SLC2A13: variants seen among roughly 807,000 people sequenced by gnomAD.
SLC2A13 encodes the protein proton myo-inositol cotransporter.
Under a neutral mutation model 64.4 loss-of-function variants are expected in SLC2A13, and 32 were observed. The observed-to-expected ratio is 0.50, with a 90% CI of 0.37 to 0.67. The LOEUF is 0.67. SLC2A13 is among the 30% of genes least tolerant of loss of function. The pLI, the probability that SLC2A13 is intolerant of heterozygous loss-of-function variation, is 0.00. For missense variants in SLC2A13, 743 were observed against 829.2 expected (o/e 0.90, Z 1.28); for synonymous variants, 338 against 327.1 (o/e 1.03, Z -0.36).
intron 1 of SLC2A13, among the ~76,000 whole-genome samples, chr12:40,077,769 T>C (rs2136278938): frequency 6.6e-6 from 1 of 152,250 alleles, no homozygotes; most frequent in Non-Finnish European, 1.5e-5. Flanking sequence ...AATATTAACT[T>C]TTCCTATCCA....
intron 4 of SLC2A13, among the ~76,000 whole-genome samples, chr12:39,880,087 T>G (rs1020374817): frequency 6.6e-6 from 1 of 152,206 alleles, no homozygotes; most frequent in African/African-American, 2.4e-5. Flanking sequence ...CCATGTGACG[T>G]GACTGCTCCC....
At chr12:40,091,521 A>C (rs568800031) in intron 1 of SLC2A13, among the ~76,000 whole-genome samples, 1 of 152,340 alleles carries the variant, frequency 6.6e-6, no homozygotes, top group Non-Finnish European at 1.5e-5. Context: ...AACTACTGGC[A>C]ACAAAGAATA....
At chr12:40,102,022 C>T (rs1939167923) in intron 1 of SLC2A13, among the ~76,000 whole-genome samples, 1 of 152,188 alleles carries the variant, frequency 6.6e-6, no homozygotes. Flanking sequence ...ATCTGCTGAA[C>T]ACCTACTCAC....
In SLC2A13 at chr12:39,979,951, C is replaced by T. The variant is rs1173166769; in HGVS notation, c.926-28586G>A. ...AGGTCGGGTTACCCTCAAAGGGAAG[C>T]CCATCAGACTAACAGCGGATCTCTC... On this transcript the variant is annotated intron_variant, in intron 3 of 9. Coordinates refer to ENST00000280871, the MANE Select transcript of SLC2A13 (RefSeq NM_052885.4). Among the ~76,000 whole-genome samples, 1,406 of 144,012 alleles carry T rather than the reference C, an allele frequency of 9.8e-3. 14 individuals carry two copies. The highest frequency in any genetic ancestry group is 0.034 in the African/African-American group (1,334 of 38,968). The allele number at this position is 144,012 out of a possible 152,430, so 94.5% of individuals were successfully genotyped here.
intron 2 of SLC2A13, among the ~76,000 whole-genome samples, chr12:40,031,231 T>C (rs1947898089): frequency 6.6e-6 from 1 of 151,856 alleles, no homozygotes; most frequent in Non-Finnish European, 1.5e-5. Flanking sequence ...TATTTATTTA[T>C]TTATTTTTTT....
chr12:40,072,501 A>G (rs1592058971), intron 1 of SLC2A13, among the ~76,000 whole-genome samples: 1 of 152,250 alleles, frequency 6.6e-6, no homozygotes, highest in African/African-American at 2.4e-5. Context: ...GTCTCCAACT[A>G]TAATAGTGAT....
chr12:40,004,440 TC>T (rs2136186969), intron 3 of SLC2A13, among the ~76,000 whole-genome samples: 1 of 152,198 alleles, frequency 6.6e-6, no homozygotes, highest in Non-Finnish European at 1.5e-5. Context: ...CACCTCAGCC[TC>T]CCAAAGTGCT....
intron 3 of SLC2A13, among the ~76,000 whole-genome samples, chr12:39,995,343 C>T (rs1011611487): frequency 1.3e-5 from 2 of 152,102 alleles, no homozygotes; most frequent in African/African-American, 4.8e-5. Context: ...TTACCATTAA[C>T]TATAACCTCC....
At chr12:40,005,375 A>T (rs1947397819) in intron 3 of SLC2A13, among the ~76,000 whole-genome samples, 1 of 152,108 alleles carries the variant, frequency 6.6e-6, no homozygotes, top group Non-Finnish European at 1.5e-5. Context: ...AGGCATCTGG[A>T]GGCTCCTAGT....
intron 7 of SLC2A13, among the ~76,000 whole-genome samples, chr12:39,810,766 GA>G (rs1474736600): frequency 6.6e-5 from 10 of 152,008 alleles, no homozygotes; most frequent in Admixed American, 3.9e-4. Flanking sequence ...TTAATATAAT[GA>G]ATTACATCCA....
chr12:40,006,423 A>G (rs747444814), intron 3 of SLC2A13, among the ~76,000 whole-genome samples: 5 of 152,170 alleles, frequency 3.3e-5, no homozygotes, highest in African/African-American at 4.8e-5. Context: ...ATCTCTATCA[A>G]AGAGATGTGG....
chr12:39,862,784 A>G (rs1479614572), intron 6 of SLC2A13, among the ~76,000 whole-genome samples: 1 of 152,150 alleles, frequency 6.6e-6, no homozygotes, highest in African/African-American at 2.4e-5. Flanking sequence ...ACAAGTATAC[A>G]ATGTGTAATG....
intron 3 of SLC2A13, among the ~76,000 whole-genome samples, chr12:40,010,865 G>A (rs767673675): frequency 7.9e-5 from 12 of 152,120 alleles, no homozygotes; most frequent in South Asian, 2.1e-4. Flanking sequence ...GTGCCAGGGC[G>A]TCCTGGAAAG....
chr12:40,068,373 T>A lies in SLC2A13; in HGVS notation c.557-20163A>T. On this transcript the variant is annotated intron_variant, in intron 1 of 9. Coordinates refer to ENST00000280871, the MANE Select transcript of SLC2A13 (RefSeq NM_052885.4). The stretch of plus-strand genomic sequence containing the variant: ...CAGTCCAGTATTATTACCACTGTAG[T>A]GATGAACACCAGTTTAGGCCAACAT... 7 of 339,590 alleles carry A rather than the reference T, an allele frequency of 2.1e-5. 1 individual carries two copies. The highest frequency in any genetic ancestry group is 1.7e-4 in the South Asian group (7 of 42,402). The allele number at this position is 339,590 out of a possible 1,614,324, so 21.0% of individuals were successfully genotyped here.
rs1014241345 is a variant in SLC2A13, at chr12:39,960,792, G to C, written c.926-9427C>G. 4.6e-5 allele frequency among the ~76,000 whole-genome samples: 6 copies of C among 130,884 alleles called. No homozygotes were observed. The Admixed American group carries it at 5.6e-4, about 12-fold the overall frequency. The allele number at this position is 130,884 out of a possible 152,430, so 85.9% of individuals were successfully genotyped here. On this transcript the variant is annotated intron_variant, in intron 3 of 9. Coordinates refer to ENST00000280871, the MANE Select transcript of SLC2A13 (RefSeq NM_052885.4). ...AGACAGAGTCTTACTGTGTCACCCA[G>C]GCTGGAGTGCAGTGGCGTGATTTTG...
At chr12:40,054,575 A>G (rs1948307300) in intron 1 of SLC2A13, among the ~76,000 whole-genome samples, 1 of 152,212 alleles carries the variant, frequency 6.6e-6, no homozygotes, top group African/African-American at 2.4e-5. Flanking sequence ...ATCTACATCA[A>G]TGAACACTCA....
intron 4 of SLC2A13, among the ~76,000 whole-genome samples, chr12:39,884,922 G>T (rs1305856685): frequency 6.6e-6 from 1 of 152,166 alleles, no homozygotes; most frequent in Admixed American, 6.6e-5. Context: ...GGGAGAACTG[G>T]AAAGAACCAC....
chr12:39,870,745 A>G (rs6581405), intron 5 of SLC2A13, among the ~76,000 whole-genome samples: 105,246 of 152,056 alleles, frequency 0.69, 36,946 homozygotes, highest in African/African-American at 0.8. Context: ...GCAGTTCAGC[A>G]CACATTATTG....
chr12:39,922,866 A>G lies in SLC2A13; in HGVS notation c.1034+28391T>C, dbSNP rs544191890. Among the ~76,000 whole-genome samples, 16 of 152,338 alleles carry G rather than the reference A, an allele frequency of 1.1e-4. No homozygotes were observed. In the East Asian group the frequency reaches 2.3e-3, roughly 22 times the overall value. On this transcript the variant is annotated intron_variant, in intron 4 of 9. Coordinates refer to ENST00000280871, the MANE Select transcript of SLC2A13 (RefSeq NM_052885.4). ...AAACACAAAGGGTCAAGCCTATTGCATTTTACATTGCCAAACTTTTTTCTC... is the reference window on the plus strand; with the variant it reads ...AAACACAAAGGGTCAAGCCTATTGCGTTTTACATTGCCAAACTTTTTTCTC...
Sources: gnomAD v4.1 joint callset for allele counts (sites outside exome capture counted in the v4.1 genomes callset) on GRCh38, gnomAD v4.1.1 for gene constraint, MANE v1.5 for transcripts, NCBI Gene and HGNC (gene_info 2026-07-23, HGNC 2026-07-21) for gene names.